Variants in SDK1 observed in about 807,000 individuals in gnomAD.
SDK1 encodes the protein protein sidekick-1.
A neutral mutation model predicts 245.5 loss-of-function variants in SDK1; 157 were observed. That is an observed-to-expected ratio of 0.64 (90% CI 0.56 to 0.73). The LOEUF is 0.73. Ranked by LOEUF, SDK1 falls within the 30% of genes least tolerant of loss-of-function variation. SDK1 has a pLI of 0.00. For missense variants in SDK1, 3,583 were observed against 3,002.3 expected, an observed-to-expected ratio of 1.19 and a Z score of -4.52; for synonymous variants, 1,647 against 1,278.5, an observed-to-expected ratio of 1.29 and a Z score of -6.15.
chr7:4,084,430 A>G (rs1233508767), intron 22 of SDK1, among the ~76,000 whole-genome samples: 1 of 151,972 alleles, frequency 6.6e-6, no homozygotes, highest in African/African-American at 2.4e-5. Flanking sequence ...ATGAGGCTCC[A>G]CTCTTTGATG....
chr7:3,617,363 T>C (rs1285149830), intron 1 of SDK1, among the ~76,000 whole-genome samples: 1 of 152,210 alleles, frequency 6.6e-6, no homozygotes, highest in Admixed American at 6.5e-5. Flanking sequence ...CTGATAACTA[T>C]TGTAAATGGA....
chr7:3,659,259 G>A (rs887511312), intron 4 of SDK1, among the ~76,000 whole-genome samples: 1 of 152,222 alleles, frequency 6.6e-6, no homozygotes, highest in South Asian at 2.1e-4. Context: ...CTGAATGTCA[G>A]CTGCCCTGGT....
rs116647577 is a variant in SDK1 at position 3,333,965 on chromosome 7, A to T, written c.298+32081A>T. ...TTGCTGCTCCACTGCTGGCCCCAGA[A>T]CCACACCACCTTGGCCGCTGTCCAC... On this transcript the variant is annotated intron_variant, in intron 1 of 44. Coordinates refer to ENST00000404826, the MANE Select transcript of SDK1 (RefSeq NM_152744.4). 2.5e-3 allele frequency among the ~76,000 whole-genome samples: 385 copies of T among 152,290 alleles called. 5 individuals are homozygous for T. Among genetic ancestry groups the T allele is most frequent in the African/African-American group, 8.9e-3 (369 of 41,546 alleles).
rs1466079836 is a variant in SDK1 at position 4,217,497 on chromosome 7, A to G, written c.5540-2612A>G. Among the ~76,000 whole-genome samples, 87 of 30,216 alleles carry G rather than the reference A, an allele frequency of 2.9e-3. 2 individuals are homozygous for G. Among genetic ancestry groups the G allele is most frequent in the Non-Finnish European group, 4.0e-3 (67 of 16,706 alleles). 19.8% of individuals were successfully genotyped at this position (30,216 alleles called of 152,430 possible). A position where few individuals can be genotyped will look rare whatever the true frequency, so the allele number is the denominator to read the frequency against. ...AGCACCAGGCCACCCGGAGCACCAC[A>G]CCACCCGGAGCACCACACCACCCGG... is the stretch of plus-strand genomic sequence containing the variant. On this transcript the variant is annotated intron_variant, in intron 38 of 44. Coordinates refer to ENST00000404826, the MANE Select transcript of SDK1 (RefSeq NM_152744.4).
chr7:3,479,453 A>C (rs1038859331), intron 1 of SDK1, among the ~76,000 whole-genome samples: 1 of 147,912 alleles, frequency 6.8e-6, no homozygotes, highest in South Asian at 2.2e-4. Context: ...AAGAATATCT[A>C]TTGTCCAATT....
intron 4 of SDK1, among the ~76,000 whole-genome samples, chr7:3,796,831 A>G (rs992578425): frequency 6.6e-6 from 1 of 152,156 alleles, no homozygotes; most frequent in African/African-American, 2.4e-5. Context: ...TTGTTTTTTA[A>G]AGAGACTAAA....
chr7:3,618,433 C>G (rs1486824804), intron 1 of SDK1, among the ~76,000 whole-genome samples: 2 of 152,152 alleles, frequency 1.3e-5, no homozygotes, highest in Non-Finnish European at 2.9e-5. Context: ...AAAATTCTGT[C>G]TGGCTTCTTT....
chr7:3,505,221 C>G (rs1285026066), intron 1 of SDK1, among the ~76,000 whole-genome samples: 1 of 150,792 alleles, frequency 6.6e-6, no homozygotes. Flanking sequence ...TTTTTTTGAT[C>G]TAGGGTTTAC....
chr7:4,181,832 C>A (rs866892044), intron 35 of SDK1, among the ~76,000 whole-genome samples: 88 of 152,358 alleles, frequency 5.8e-4, no homozygotes, highest in African/African-American at 1.9e-3. Flanking sequence ...GTCAGCAGAG[C>A]CGGTTCCCAC....
chr7:3,731,991 C>G (rs563224693), intron 4 of SDK1, among the ~76,000 whole-genome samples: 1 of 152,234 alleles, frequency 6.6e-6, no homozygotes, highest in East Asian at 1.9e-4. Context: ...GGGGTTTCAC[C>G]GTGTTGGTCA....
chr7:4,062,958 G>C (rs1418511151), intron 19 of SDK1, among the ~76,000 whole-genome samples: 1 of 152,070 alleles, frequency 6.6e-6, no homozygotes, highest in East Asian at 1.9e-4. Flanking sequence ...ACATACCTCA[G>C]TATGATAAAG....
chr7:3,659,835 G>T (rs1783299453), intron 4 of SDK1, among the ~76,000 whole-genome samples: 1 of 152,232 alleles, frequency 6.6e-6, no homozygotes, highest in Non-Finnish European at 1.5e-5. Context: ...GAGAAAAGTG[G>T]ATGAATGAAA....
chr7:3,683,861 T>G lies in SDK1; in HGVS notation c.713+41756T>G, dbSNP rs535226962. On this transcript the variant is annotated intron_variant, in intron 4 of 44. Coordinates refer to ENST00000404826, the MANE Select transcript of SDK1 (RefSeq NM_152744.4). ...ACACAAAATGCTCCAAGAACAGTCC[T>G]GTTTCCTCCAGGCATAGGGCTGGGC... Among the ~76,000 whole-genome samples the G allele has an allele frequency of 1.1e-3, 171 of 152,308 alleles. No homozygotes were observed. In the South Asian group the frequency reaches 0.034, roughly 31 times the overall value.
At chr7:3,654,715 C>G (rs951221279) in intron 4 of SDK1, among the ~76,000 whole-genome samples, 40 of 152,142 alleles carry the variant, frequency 2.6e-4, no homozygotes, top group Non-Finnish European at 5.4e-4. Context: ...AAGTGAATAG[C>G]CCAAGAGCAT....
chr7:3,403,842 TATATATATA>T (rs1443776960), intron 1 of SDK1, among the ~76,000 whole-genome samples: 1 of 80,738 alleles, frequency 1.2e-5, no homozygotes, highest in Non-Finnish European at 2.1e-5. Flanking sequence ...TATATATATA[TATATATATA>T]TATATATATA....
At chr7:4,128,866 T>C (rs1784576593) in intron 26 of SDK1, among the ~76,000 whole-genome samples, 2 of 126,640 alleles carry the variant, frequency 1.6e-5, no homozygotes, top group South Asian at 2.8e-4. Flanking sequence ...TAGAGCAGCT[T>C]GGGGTGGGGT....
At chr7:3,340,646 C>A (rs1780322691) in intron 1 of SDK1, among the ~76,000 whole-genome samples, 1 of 151,748 alleles carries the variant, frequency 6.6e-6, no homozygotes, top group South Asian at 2.1e-4. Flanking sequence ...GCCTGTAGTC[C>A]CAGCTACTCA....
At chr7:4,052,808 G>A (rs962542589) in intron 19 of SDK1, among the ~76,000 whole-genome samples, 1 of 152,080 alleles carries the variant, frequency 6.6e-6, no homozygotes, top group African/African-American at 2.4e-5. Flanking sequence ...AGAATAATTA[G>A]GGCCATGCAG....
chr7:3,737,333 G>A (rs1779344517), intron 4 of SDK1, among the ~76,000 whole-genome samples: 1 of 152,250 alleles, frequency 6.6e-6, no homozygotes, highest in Non-Finnish European at 1.5e-5. Flanking sequence ...CTGCCGCTAG[G>A]CAGTGCTGTG....
Sources: gnomAD v4.1 joint callset for allele counts (sites outside exome capture counted in the v4.1 genomes callset) on GRCh38, gnomAD v4.1.1 for gene constraint, MANE v1.5 for transcripts, NCBI Gene and HGNC (gene_info 2026-07-23, HGNC 2026-07-21) for gene names.